The following DCP1B variants were observed in gnomAD, a reference collection of about 807,000 sequenced individuals.
DCP1B encodes the protein decapping mRNA 1B.
Under a neutral mutation model 60.5 loss-of-function variants are expected in DCP1B, and 47 were observed. That is an observed-to-expected ratio of 0.78 (90% CI 0.61 to 0.99). DCP1B has a LOEUF of 0.99. Among genes scored for constraint, DCP1B ranks in the 50% least tolerant of loss-of-function variants. The probability of loss-of-function intolerance (pLI) is 0.00; values close to 1 mark genes in which losing one functional copy is unlikely to be tolerated. For missense variants in DCP1B, 725 were observed against 756.8 expected (o/e 0.96, Z 0.49); for synonymous variants, 267 against 280.3 (o/e 0.95, Z 0.47).
intron 3 of DCP1B, among the ~76,000 whole-genome samples, chr12:1,968,549 C>T (rs1348068916): frequency 6.6e-6 from 1 of 152,126 alleles, no homozygotes; most frequent in Non-Finnish European, 1.5e-5. Context: ...TTCTATACTT[C>T]CTGGCTGCGA....
chr12:1,973,058 G>A (rs1054069851), intron 3 of DCP1B, among the ~76,000 whole-genome samples: 25 of 152,330 alleles, frequency 1.6e-4, no homozygotes, highest in African/African-American at 5.5e-4. Context: ...CCTCCGGCAT[G>A]TTCTCTAATG....
downstream of DCP1B, among the ~76,000 whole-genome samples, chr12:1,942,370 TAGAC>T (rs1411558634): frequency 6.6e-6 from 1 of 152,140 alleles, no homozygotes; most frequent in Non-Finnish European, 1.5e-5. Context: ...CTGTCAATAT[TAGAC>T]AGATCAATGA....
In DCP1B at chr12:1,946,110, A is replaced by T; in HGVS notation, c.*96T>A. ...ATTACACATACTTTTTTTTTAAAAA[A>T]GGCAGAAACATTGAAGGAAACAACA... On this transcript the variant is annotated 3_prime_UTR_variant, in exon 9 of 9. Coordinates refer to ENST00000280665, the MANE Select transcript of DCP1B (RefSeq NM_152640.5). The T allele has an allele frequency of 1.0e-6, 1 of 966,920 alleles. No individual in the cohort carries two copies. The highest frequency in any genetic ancestry group is 1.5e-6 in the Non-Finnish European group (1 of 673,478). The allele number at this position is 966,920 out of a possible 1,614,324, so 59.9% of individuals were successfully genotyped here. A position where few individuals can be genotyped will look rare whatever the true frequency, so the allele number is the denominator to read the frequency against.
At chr12:1,966,137 G>A (rs112016686) in intron 4 of DCP1B, 4,169 of 152,952 alleles carry the variant, frequency 0.027, 93 homozygotes, top group Middle Eastern at 0.054. Context: ...TCTAAAGGAT[G>A]CTCTCATTAG....
intron 8 of DCP1B, among the ~76,000 whole-genome samples, chr12:1,946,905 A>G (rs1301328035): frequency 1.3e-5 from 2 of 152,120 alleles, no homozygotes; most frequent in African/African-American, 4.8e-5. Context: ...TATGTTGCTC[A>G]GGGTGGTCTT....
In DCP1B at chr12:1,971,106, C is replaced by A. The variant is rs775610591; in HGVS notation, c.320-3196G>T. On this transcript the variant is annotated intron_variant, in intron 3 of 8. Coordinates refer to ENST00000280665, the MANE Select transcript of DCP1B (RefSeq NM_152640.5). The surrounding 1 kb of genome is among the most constrained non-coding windows in gnomAD (Gnocchi z 4.2). ...CAGCCTGGTACGCCTGCATACCAGC[C>A]GCTTCCCAGCCACCTGTCTGCCAAC... 4 of 1,289,390 alleles carry A rather than the reference C, an allele frequency of 3.1e-6. No homozygotes were observed. In the South Asian group the frequency reaches 4.9e-5, roughly 16 times the overall value. The allele number at this position is 1,289,390 out of a possible 1,614,324, so 79.9% of individuals were successfully genotyped here.
chr12:1,968,267 G>A (rs1049609976), intron 3 of DCP1B, among the ~76,000 whole-genome samples: 1 of 151,430 alleles, frequency 6.6e-6, no homozygotes, highest in African/African-American at 2.4e-5. Context: ...CAGGAGAATC[G>A]CTTGAACCTG....
At chr12:1,967,963 A>G (rs2154457197) in intron 3 of DCP1B, 53 bp from the exon 4 acceptor site, 1 of 1,461,104 alleles carries the variant, frequency 6.8e-7, no homozygotes, top group East Asian at 2.3e-5. Flanking sequence ...ACTACAAAAT[A>G]GAAAAAAATC....
chr12:1,960,390 G>A (rs2031079729), intron 5 of DCP1B, among the ~76,000 whole-genome samples: 1 of 152,218 alleles, frequency 6.6e-6, no homozygotes, highest in Non-Finnish European at 1.5e-5. Context: ...CTGGGGGTAG[G>A]AGGATTTTGG....
At chr12:1,944,414 A>G (rs11062029), downstream of DCP1B, among the ~76,000 whole-genome samples, 76,155 of 152,030 alleles carry the variant, frequency 0.5, 19,359 homozygotes, top group East Asian at 0.73. Flanking sequence ...GACTTTCTTC[A>G]CAGAATTAGA....
At chr12:1,943,593 G>A (rs11503102), downstream of DCP1B, among the ~76,000 whole-genome samples, 7,104 of 152,176 alleles carry the variant, frequency 0.047, 289 homozygotes, top group African/African-American at 0.11. Flanking sequence ...TATCCACCAC[G>A]ATCATGTCAG....
downstream of DCP1B, chr12:1,945,964 TG>T (rs955993350): frequency 6.7e-5 from 19 of 285,426 alleles, no homozygotes; most frequent in Admixed American, 1.0e-4. Flanking sequence ...CAAACCACCA[TG>T]GCATGTGTAT....
Position 1,962,068 on chromosome 12 carries a change from G to A in DCP1B, c.522+3490C>T, listed in dbSNP as rs767450173. Among the ~76,000 whole-genome samples, 7 of 152,164 alleles carry A rather than the reference G, an allele frequency of 4.6e-5. No homozygotes were observed. Among genetic ancestry groups the A allele is most frequent in the Non-Finnish European group, 7.4e-5 (5 of 68,020 alleles). ...AGGGTGTCAGCAGCAAGGGGAAGGC[G>A]TAGGCTAGAGCATTTACTGAATTTC... On this transcript the variant is annotated intron_variant, in intron 5 of 8. Coordinates refer to ENST00000280665, the MANE Select transcript of DCP1B (RefSeq NM_152640.5). The surrounding 1 kb of genome is among the most constrained non-coding windows in gnomAD (Gnocchi z 4.4).
chr12:1,976,194 A>C (rs1387861332), intron 3 of DCP1B, among the ~76,000 whole-genome samples: 2 of 152,200 alleles, frequency 1.3e-5, no homozygotes, highest in Non-Finnish European at 2.9e-5. Context: ...CACAGTGACA[A>C]GTTTCATCAC....
intron 2 of DCP1B, among the ~76,000 whole-genome samples, chr12:1,996,417 G>A (rs2040801785): frequency 6.6e-6 from 1 of 151,732 alleles, no homozygotes; most frequent in Non-Finnish European, 1.5e-5. Context: ...CTCCGCCCCT[G>A]CTTTTGCCAT....
At chr12:1,963,907 C>G (rs1053060348) in intron 5 of DCP1B, among the ~76,000 whole-genome samples, 1 of 152,142 alleles carries the variant, frequency 6.6e-6, no homozygotes, top group African/African-American at 2.4e-5. Flanking sequence ...TCTGATATTT[C>G]CACTTAATCT....
At chr12:1,986,667 AT>A (rs71057813) in intron 3 of DCP1B, among the ~76,000 whole-genome samples, 3 of 149,784 alleles carry the variant, frequency 2.0e-5, no homozygotes, top group African/African-American at 2.5e-5. Flanking sequence ...AGGTTTTGTT[AT>A]TTTTTTTTTC....
chr12:1,992,442 A>G (rs1363737799), intron 3 of DCP1B: 1 of 153,382 alleles, frequency 6.5e-6, no homozygotes, highest in African/African-American at 2.4e-5. Flanking sequence ...GATGAAAAAT[A>G]TACAGAAAAC....
chr12:1,988,852 G>T (rs1400274402), intron 3 of DCP1B, among the ~76,000 whole-genome samples: 1 of 152,112 alleles, frequency 6.6e-6, no homozygotes, highest in African/African-American at 2.4e-5. Context: ...GTTAATCAAG[G>T]ATTTAAACTG....
Sources: allele counts gnomAD v4.1 joint callset (sites outside exome capture counted in the v4.1 genomes callset), GRCh38; gene constraint gnomAD v4.1.1; non-coding constraint Gnocchi (gnomAD v3.1); transcripts MANE v1.5; gene names NCBI Gene and HGNC (gene_info 2026-07-23, HGNC 2026-07-21).